HDAC9: variants seen among roughly 807,000 people sequenced by gnomAD.
The protein encoded by HDAC9 is MEF-2 interacting transcription repressor (MITR) protein.
HDAC9 carries 41 observed loss-of-function variants against 139.4 expected under a neutral mutation model. The ratio of observed to expected loss-of-function variants is 0.29; its 90% CI spans 0.23 to 0.38. HDAC9 has a LOEUF of 0.38. Ranked by LOEUF, HDAC9 falls within the 10% of genes least tolerant of loss-of-function variation. The pLI is 1.00. For missense variants in HDAC9, 1,147 were observed against 1,297.0 expected, an observed-to-expected ratio of 0.88 and a Z score of 1.78; for synonymous variants, 517 against 476.2, an observed-to-expected ratio of 1.09 and a Z score of -1.12.
chr7:18,253,798 C>T (rs1318232239), intron 2 of HDAC9, among the ~76,000 whole-genome samples: 2 of 152,166 alleles, frequency 1.3e-5, no homozygotes, highest in Non-Finnish European at 2.9e-5. Context: ...GGATCCTCTG[C>T]ATTTGGCCTG....
At chr7:18,102,160 A>T (rs529881892) in intron 1 of HDAC9, among the ~76,000 whole-genome samples, 1 of 152,366 alleles carries the variant, frequency 6.6e-6, no homozygotes, top group East Asian at 1.9e-4. Flanking sequence ...TCAGGAGCAC[A>T]TCTTGCTATA....
intron 1 of HDAC9, among the ~76,000 whole-genome samples, chr7:18,358,708 G>A (rs935988726): frequency 1.3e-5 from 2 of 152,120 alleles, no homozygotes; most frequent in African/African-American, 4.8e-5. Flanking sequence ...ATATCACTTA[G>A]TACTTAAGAA....
intron 12 of HDAC9, among the ~76,000 whole-genome samples, chr7:18,689,863 T>C (rs1375343273): frequency 6.6e-6 from 1 of 151,998 alleles, no homozygotes; most frequent in African/African-American, 2.4e-5. Context: ...ATAATCCAAA[T>C]TGTCCAAATT....
intron 2 of HDAC9, among the ~76,000 whole-genome samples, chr7:18,280,725 T>C (rs1361665485): frequency 2.0e-5 from 3 of 151,528 alleles, no homozygotes; most frequent in African/African-American, 7.3e-5. Context: ...ATTGTTCCAC[T>C]GTATTCCAGC....
At chr7:18,209,648 G>T (rs1286345265) in intron 2 of HDAC9, among the ~76,000 whole-genome samples, 1 of 152,074 alleles carries the variant, frequency 6.6e-6, no homozygotes, top group African/African-American at 2.4e-5. Flanking sequence ...TGAAATCAGA[G>T]TGGTTGGAGC....
At chr7:18,296,434 G>GTT in intron 1 of HDAC9, among the ~76,000 whole-genome samples, 1 of 151,936 alleles carries the variant, frequency 6.6e-6, no homozygotes, top group African/African-American at 2.4e-5. Flanking sequence ...TTGTGTGTGT[G>GTT]TGTGTGTGTG....
intron 2 of HDAC9, among the ~76,000 whole-genome samples, chr7:18,508,505 C>T (rs1018557403): frequency 1.1e-4 from 16 of 152,198 alleles, no homozygotes; most frequent in Admixed American, 9.8e-4. Context: ...GATCGTGAAC[C>T]AAGTGCCTCT....
intron 1 of HDAC9, among the ~76,000 whole-genome samples, chr7:18,091,056 A>G (rs1782109507): frequency 6.6e-6 from 1 of 152,268 alleles, no homozygotes; most frequent in Non-Finnish European, 1.5e-5. Flanking sequence ...GTAATTCTGT[A>G]GATAATGGTA....
intron 2 of HDAC9, chr7:18,509,299 G>T (rs1306602210): frequency 1.0e-6 from 1 of 985,310 alleles, no homozygotes; most frequent in Non-Finnish European, 1.2e-6. Context: ...CCTTGTGGAA[G>T]GGGTGGGGAA....
chr7:18,919,830 G>A (rs972818548), intron 22 of HDAC9, among the ~76,000 whole-genome samples: 8 of 152,042 alleles, frequency 5.3e-5, no homozygotes, highest in African/African-American at 1.9e-4. Flanking sequence ...AGTTGTCAAA[G>A]GCTCTCTTCT....
intron 1 of HDAC9, among the ~76,000 whole-genome samples, chr7:18,403,190 A>T (rs1288459229): frequency 1.3e-5 from 2 of 152,180 alleles, no homozygotes; most frequent in African/African-American, 4.8e-5. Flanking sequence ...TAAGTGTATA[A>T]ATACAGTGAG....
At chr7:18,833,888 A>T (rs1796037106) in intron 19 of HDAC9, among the ~76,000 whole-genome samples, 1 of 152,206 alleles carries the variant, frequency 6.6e-6, no homozygotes, top group African/African-American at 2.4e-5. Context: ...TGGGCTGGAG[A>T]TTGGCATGAA....
rs571067626 is a variant in HDAC9 at position 18,521,889 on chromosome 7, G to A, written c.22+25565G>A. ...ACAGCATTTTAGAGTTTTACACGAGGTTTAGATTTGACTAAGCCTTAGTAC... is the reference window on the plus strand; with the variant it reads ...ACAGCATTTTAGAGTTTTACACGAGATTTAGATTTGACTAAGCCTTAGTAC... On this transcript the variant is annotated intron_variant, in intron 2 of 25. Coordinates refer to ENST00000686413, the MANE Select transcript of HDAC9 (RefSeq NM_178425.4). Among the ~76,000 whole-genome samples, 6 of 152,206 alleles carry A rather than the reference G, an allele frequency of 3.9e-5. 1 individual carries two copies. The East Asian group carries it at 9.7e-4, about 24-fold the overall frequency.
intron 13 of HDAC9, among the ~76,000 whole-genome samples, chr7:18,739,683 C>T (rs1481748610): frequency 6.6e-6 from 1 of 152,184 alleles, no homozygotes; most frequent in Non-Finnish European, 1.5e-5. Context: ...TCTGTCGGTC[C>T]CTACTGGGAG....
intron 2 of HDAC9, among the ~76,000 whole-genome samples, chr7:18,251,683 C>A (rs906606362): frequency 2.0e-5 from 3 of 152,080 alleles, no homozygotes; most frequent in African/African-American, 7.2e-5. Context: ...TTACCTGCAA[C>A]TAAAGAAAAA....
chr7:18,993,439 C>T (rs906220506), intron 25 of HDAC9, among the ~76,000 whole-genome samples: 6 of 152,164 alleles, frequency 3.9e-5, no homozygotes, highest in African/African-American at 1.4e-4. Flanking sequence ...GAACCCAGAA[C>T]ATCTACCTTG....
rs567992329 is a variant in HDAC9, at chr7:18,488,298, C to T, written c.-41-7964C>T. Among the ~76,000 whole-genome samples the T allele has an allele frequency of 1.6e-4, 25 of 152,072 alleles. No homozygotes were observed. In the South Asian group the frequency reaches 5.0e-3, roughly 30 times the overall value. ...ATAAAGAAAATAGTGCTTCATTATT[C>T]AGCATGAACCATTACGTGTCACTTA... On this transcript the variant is annotated intron_variant, in intron 1 of 3. Coordinates refer to the HDAC9 transcript ENST00000413509.
intron 7 of HDAC9, 106 bp downstream of exon 7, chr7:18,629,587 A>C: frequency 1.8e-6 from 2 of 1,119,700 alleles, no homozygotes; most frequent in South Asian, 3.7e-5. Context: ...TTGAGAAGAA[A>C]TATTTCTTGA....
chr7:18,472,859 A>G (rs1274614927), intron 1 of HDAC9, among the ~76,000 whole-genome samples: 1 of 152,230 alleles, frequency 6.6e-6, no homozygotes, highest in African/African-American at 2.4e-5. Context: ...CCAGGAGGGC[A>G]GAGATCTTGT....
Sources: gnomAD v4.1 joint callset for allele counts (sites outside exome capture counted in the v4.1 genomes callset) on GRCh38, gnomAD v4.1.1 for gene constraint, MANE v1.5 for transcripts, NCBI Gene and HGNC (gene_info 2026-07-23, HGNC 2026-07-21) for gene names.